The following EXOC6B variants were observed in gnomAD, a reference collection of about 807,000 sequenced individuals.
EXOC6B encodes the protein SEC15 homolog B.
A neutral mutation model predicts 113.5 loss-of-function variants in EXOC6B; 54 were observed. The ratio of observed to expected loss-of-function variants is 0.48; its 90% CI spans 0.38 to 0.60. The LOEUF (loss-of-function observed/expected upper bound fraction) is 0.60. Ranked by LOEUF, EXOC6B falls within the 20% of genes least tolerant of loss-of-function variation. EXOC6B has a pLI of 0.00. For synonymous variants in EXOC6B, 357 were observed against 339.0 expected (o/e 1.05, Z -0.58); for missense variants, 797 against 977.5 (o/e 0.82, Z 2.46).
chr2:72,623,793 C>T (rs1265116660), intron 6 of EXOC6B, among the ~76,000 whole-genome samples: 1 of 152,108 alleles, frequency 6.6e-6, no homozygotes, highest in Non-Finnish European at 1.5e-5. Context: ...CCTCCACATC[C>T]CCATACTGCC....
At chr2:72,660,283 T>A (rs1573574244) in intron 6 of EXOC6B, among the ~76,000 whole-genome samples, 1 of 152,178 alleles carries the variant, frequency 6.6e-6, no homozygotes, top group African/African-American at 2.4e-5. Context: ...TCTAGTGACA[T>A]CTGTAGAAGA....
intron 19 of EXOC6B, among the ~76,000 whole-genome samples, chr2:72,369,540 G>A (rs1177692121): frequency 7.2e-5 from 11 of 152,090 alleles, no homozygotes; most frequent in Admixed American, 1.3e-4. Flanking sequence ...GCAAAAAAGA[G>A]CCCGCATTGC....
chr2:72,248,583 G>C (rs1037936409), intron 20 of EXOC6B, among the ~76,000 whole-genome samples: 1 of 152,114 alleles, frequency 6.6e-6, no homozygotes, highest in East Asian at 1.9e-4. Flanking sequence ...AACATCAAAA[G>C]TTCATCTTCA....
intron 6 of EXOC6B, among the ~76,000 whole-genome samples, chr2:72,653,970 ATTTTTTT>A (rs58589218): frequency 7.3e-6 from 1 of 136,436 alleles, no homozygotes. Flanking sequence ...AATTTTATTT[ATTTTTTT>A]TTTTTTTTTT....
At chr2:72,546,417 G>A (rs1167208458) in intron 8 of EXOC6B, among the ~76,000 whole-genome samples, 1 of 152,130 alleles carries the variant, frequency 6.6e-6, no homozygotes, top group Non-Finnish European at 1.5e-5. Context: ...ACTCCAGCCT[G>A]GGCGACAGAG....
chr2:72,550,915 T>A (rs866186944), intron 8 of EXOC6B, among the ~76,000 whole-genome samples: 105 of 149,054 alleles, frequency 7.0e-4, no homozygotes, highest in Middle Eastern at 3.4e-3. Context: ...TTTATTTTTT[T>A]TTTATTTTTT....
At chr2:72,777,844 T>C (rs1683796625) in intron 1 of EXOC6B, among the ~76,000 whole-genome samples, 1 of 152,134 alleles carries the variant, frequency 6.6e-6, no homozygotes, top group South Asian at 2.1e-4. Flanking sequence ...AGATTTTGTA[T>C]ACTATTGAAA....
rs148266700 is a variant in EXOC6B at position 72,340,063 on chromosome 2, G to A, written c.2123-5043C>T. Among the ~76,000 whole-genome samples, 743 of 152,188 alleles carry A rather than the reference G, an allele frequency of 4.9e-3. 9 individuals are homozygous for A. Among genetic ancestry groups the A allele is most frequent in the African/African-American group, 0.017 (690 of 41,532 alleles). On this transcript the variant is annotated intron_variant, in intron 19 of 21. Transcript: ENST00000272427. ...AAAGTGCTTTCTAGACTTCTTGAAG[G>A]CTGATCTTAAAATTAACAAATTCTG...
chr2:72,401,528 T>TATATATATACATATATAC (rs1693194787), intron 18 of EXOC6B, among the ~76,000 whole-genome samples: 1 of 19,824 alleles, frequency 5.0e-5, no homozygotes, highest in Non-Finnish European at 7.6e-5. Context: ...TATATACATA[T>TATATATATACATATATAC]ATATATATAT....
chr2:72,300,891 G>A (rs912329784), intron 20 of EXOC6B, among the ~76,000 whole-genome samples: 10 of 152,114 alleles, frequency 6.6e-5, no homozygotes, highest in Non-Finnish European at 1.0e-4. Context: ...GAGATGAACC[G>A]GGTACCTCAG....
At position 72,735,781 on chromosome 2, in the gene EXOC6B, G is replaced by A. The variant is rs1373595146; in HGVS notation, c.280-2663C>T. 3.3e-5 allele frequency among the ~76,000 whole-genome samples: 5 copies of A among 152,044 alleles called. No individual in the cohort carries two copies. In the East Asian group the frequency reaches 9.6e-4, roughly 29 times the overall value. On this transcript the variant is annotated intron_variant, in intron 2 of 21. Transcript: ENST00000272427. ...GTTGCAGGGGTGGAGATTGCAGTGA[G>A]CCAAGATCGTGCCACTTCACTCTAG...
chr2:72,376,404 G>C (rs957262823), intron 19 of EXOC6B, among the ~76,000 whole-genome samples: 1 of 152,046 alleles, frequency 6.6e-6, no homozygotes, highest in Non-Finnish European at 1.5e-5. Context: ...CTTCTGGTTT[G>C]CTCTGTTTCT....
chr2:72,591,509 C>CA (rs1705959245), intron 6 of EXOC6B, among the ~76,000 whole-genome samples: 1 of 152,106 alleles, frequency 6.6e-6, no homozygotes, highest in Admixed American at 6.5e-5. Context: ...ACAAAGTTAA[C>CA]AAAAAATGAC....
At chr2:72,530,923 T>C (rs529827771) in intron 8 of EXOC6B, among the ~76,000 whole-genome samples, 112 of 152,312 alleles carry the variant, frequency 7.4e-4, no homozygotes, top group Admixed American at 1.2e-3. Context: ...CATTTGCATG[T>C]TGTATTTTTC....
intron 20 of EXOC6B, among the ~76,000 whole-genome samples, chr2:72,240,207 TAC>T (rs1458629173): frequency 1.3e-5 from 2 of 152,204 alleles, no homozygotes; most frequent in African/African-American, 4.8e-5. Context: ...GTACCTCCAG[TAC>T]AGTGTTGAAT....
intron 20 of EXOC6B, among the ~76,000 whole-genome samples, chr2:72,304,221 GA>G (rs1686698187): frequency 6.6e-6 from 1 of 152,054 alleles, no homozygotes; most frequent in Non-Finnish European, 1.5e-5. Flanking sequence ...TCTATTAATG[GA>G]TATTTAAATT....
chr2:72,713,591 C>T lies in EXOC6B; in HGVS notation c.669+4512G>A, dbSNP rs148498754. ...AAGCTATCCCTCCCCCGTCCCCCCA[C>T]CCCACAACAGTCCCCAGAGTGTGAT... On this transcript the variant is annotated intron_variant, in intron 6 of 21. Coordinates refer to ENST00000272427, the MANE Select transcript of EXOC6B (RefSeq NM_015189.3). Among the ~76,000 whole-genome samples the T allele has an allele frequency of 8.0e-3, 1,206 of 151,238 alleles. 27 individuals are homozygous for T. Among genetic ancestry groups the T allele is most frequent in the African/African-American group, 0.028 (1,169 of 41,166 alleles).
intron 8 of EXOC6B, among the ~76,000 whole-genome samples, chr2:72,524,779 A>T (rs1701676086): frequency 6.6e-6 from 1 of 152,220 alleles, no homozygotes; most frequent in Non-Finnish European, 1.5e-5. Context: ...AAAAATGTCT[A>T]AACTTCAAGA....
rs576856606 is a variant in EXOC6B, at chr2:72,646,211, T to G, written c.670-70543A>C. Among the ~76,000 whole-genome samples, 655 of 152,232 alleles carry G rather than the reference T, an allele frequency of 4.3e-3. 6 individuals are homozygous for G. Among genetic ancestry groups the G allele is most frequent in the African/African-American group, 0.014 (581 of 41,544 alleles). On this transcript the variant is annotated intron_variant, in intron 6 of 21. Transcript: ENST00000272427. ...AATCTAGAAGAAATGGATAAATTCC[T>G]CGACACATACACACTCCCAAGACTA...
Sources: gnomAD v4.1 joint callset for allele counts (sites outside exome capture counted in the v4.1 genomes callset) on GRCh38, gnomAD v4.1.1 for gene constraint, MANE v1.5 for transcripts, NCBI Gene and HGNC (gene_info 2026-07-23, HGNC 2026-07-21) for gene names.